The following LRRC3B variants were observed in gnomAD, a reference collection of about 807,000 sequenced individuals.
The protein encoded by LRRC3B is leucine rich repeat containing 3B, also known as leucine-rich repeat-containing protein 3B.
Under a neutral mutation model 12.8 loss-of-function variants are expected in LRRC3B, and 2 were observed. The observed-to-expected ratio is 0.16, with a 90% CI of 0.06 to 0.49. The LOEUF is 0.49. Among genes scored for constraint, LRRC3B ranks in the 20% least tolerant of loss-of-function variants. LRRC3B has a pLI of 0.96. For synonymous variants in LRRC3B, 132 were observed against 122.0 expected, an observed-to-expected ratio of 1.08 and a Z score of -0.54; for missense variants, 189 against 319.4, an observed-to-expected ratio of 0.59 and a Z score of 3.11.
chr3:26,659,959 T>C (rs913690008), intron 1 of LRRC3B, among the ~76,000 whole-genome samples: 3 of 152,210 alleles, frequency 2.0e-5, no homozygotes, highest in Non-Finnish European at 2.9e-5. Flanking sequence ...ATGTAGCCCA[T>C]AATTTTTCTT....
exon 2 of LRRC3B, chr3:26,709,516 C>T: frequency 2.8e-6 from 2 of 710,530 alleles, no homozygotes; most frequent in South Asian, 1.9e-5. Flanking sequence ...CCTTTAGGTG[C>T]CCAAGCAAGG....
At chr3:26,697,903 C>T (rs1411613040) in intron 1 of LRRC3B, among the ~76,000 whole-genome samples, 1 of 152,168 alleles carries the variant, frequency 6.6e-6, no homozygotes, top group East Asian at 1.9e-4. Context: ...GCTCTTCATA[C>T]TCTTCCCTCA....
intron 1 of LRRC3B, among the ~76,000 whole-genome samples, chr3:26,670,952 T>G (rs1048035751): frequency 2.6e-5 from 4 of 152,006 alleles, no homozygotes; most frequent in Non-Finnish European, 4.4e-5. Context: ...TGCTATGGCA[T>G]TTGCATAATA....
intron 1 of LRRC3B, among the ~76,000 whole-genome samples, chr3:26,625,936 C>T (rs1227074066): frequency 1.3e-5 from 2 of 152,178 alleles, no homozygotes; most frequent in Non-Finnish European, 2.9e-5. Flanking sequence ...TGACATTCAG[C>T]CAGGAAATGG....
At chr3:26,702,998 G>C (rs1700495529) in intron 1 of LRRC3B, among the ~76,000 whole-genome samples, 1 of 152,086 alleles carries the variant, frequency 6.6e-6, no homozygotes, top group Admixed American at 6.5e-5. Context: ...AATGGAAATG[G>C]AGAACTAAAG....
At chr3:26,654,356 T>G (rs2125417190) in intron 1 of LRRC3B, among the ~76,000 whole-genome samples, 1 of 152,254 alleles carries the variant, frequency 6.6e-6, no homozygotes, top group East Asian at 1.9e-4. Context: ...CTTAGAGAGC[T>G]CTGGAAAACA....
chr3:26,706,462 T>A (rs934260715), intron 1 of LRRC3B, among the ~76,000 whole-genome samples: 1 of 152,104 alleles, frequency 6.6e-6, no homozygotes, highest in African/African-American at 2.4e-5. Flanking sequence ...TTATCAAACA[T>A]AATAGAAAAT....
At chr3:26,631,154 T>C (rs1364472097) in intron 1 of LRRC3B, among the ~76,000 whole-genome samples, 1 of 152,112 alleles carries the variant, frequency 6.6e-6, no homozygotes, top group African/African-American at 2.4e-5. Context: ...TTGTGAGAAA[T>C]GAAAAATGTG....
In LRRC3B at chr3:26,643,331, C is replaced by A. The variant is rs192757382; in HGVS notation, c.-161+20094C>A. On this transcript the variant is annotated intron_variant, in intron 1 of 1. Transcript: ENST00000396641. ...TTGTATGAAAACACATATATAAAACCATATACACTAGACACATACATGTAT... is the reference window on the plus strand; with the variant it reads ...TTGTATGAAAACACATATATAAAACAATATACACTAGACACATACATGTAT... 1.2e-3 allele frequency among the ~76,000 whole-genome samples: 180 copies of A among 151,126 alleles called. 1 individual carries two copies. The highest frequency in any genetic ancestry group is 2.5e-3 in the South Asian group (12 of 4,760).
chr3:26,684,891 C>T (rs1008751697), intron 1 of LRRC3B, among the ~76,000 whole-genome samples: 1 of 152,184 alleles, frequency 6.6e-6, no homozygotes. Context: ...TCTGTTACTC[C>T]ATTCTCACAT....
intron 1 of LRRC3B, among the ~76,000 whole-genome samples, chr3:26,668,640 A>G (rs1046681171): frequency 4.6e-5 from 7 of 152,092 alleles, no homozygotes; most frequent in African/African-American, 1.4e-4. Context: ...CAGCATTGAG[A>G]CCTTTTGTTA....
chr3:26,644,652 G>T (rs1240752273), intron 1 of LRRC3B, among the ~76,000 whole-genome samples: 1 of 152,110 alleles, frequency 6.6e-6, no homozygotes, highest in Non-Finnish European at 1.5e-5. Flanking sequence ...TGGAACCCTG[G>T]ATTAAAAATA....
rs1559361621 is a variant in LRRC3B, at chr3:26,671,348, G to GTATATATATA, written c.-160-38164_-160-38163insATATATATAT. Among the ~76,000 whole-genome samples the GTATATATATA allele has an allele frequency of 9.0e-5, 6 of 66,364 alleles. 1 individual carries two copies. The highest frequency in any genetic ancestry group is 3.7e-4 in the African/African-American group (6 of 16,058). 43.5% of individuals were successfully genotyped at this position (66,364 alleles called of 152,430 possible). On this transcript the variant is annotated intron_variant, in intron 1 of 1. Transcript: ENST00000396641. The stretch of plus-strand genomic sequence containing the variant: ...CTTATAAATGTGTGTGTATATATGT[G>GTATATATATA]TGTATATATATATATATATATATAT...
At chr3:26,640,555 A>G (rs1294938649) in intron 1 of LRRC3B, among the ~76,000 whole-genome samples, 1 of 152,136 alleles carries the variant, frequency 6.6e-6, no homozygotes, top group African/African-American at 2.4e-5. Context: ...TTTTCCAGTA[A>G]CTGACATTTA....
intron 1 of LRRC3B, among the ~76,000 whole-genome samples, chr3:26,647,176 C>T (rs1181371265): frequency 6.6e-6 from 1 of 152,068 alleles, no homozygotes; most frequent in Middle Eastern, 3.2e-3. Flanking sequence ...TTTTTCAGTT[C>T]TCAGCTCAAA....
chr3:26,671,536 C>G (rs139878023), intron 1 of LRRC3B, among the ~76,000 whole-genome samples: 1 of 150,740 alleles, frequency 6.6e-6, no homozygotes, highest in Non-Finnish European at 1.5e-5. Context: ...GGACTACAGG[C>G]GCGCGCCACC....
At chr3:26,665,503 C>A (rs562665301) in intron 1 of LRRC3B, among the ~76,000 whole-genome samples, 1 of 152,038 alleles carries the variant, frequency 6.6e-6, no homozygotes, top group African/African-American at 2.4e-5. Flanking sequence ...TCTACCAAAA[C>A]AACTTCAAAA....
chr3:26,690,210 A>G (rs1305666426), intron 1 of LRRC3B, among the ~76,000 whole-genome samples: 1 of 152,228 alleles, frequency 6.6e-6, no homozygotes, highest in Non-Finnish European at 1.5e-5. Flanking sequence ...TTGTGACTTC[A>G]TGTTAATATG....
intron 1 of LRRC3B, among the ~76,000 whole-genome samples, chr3:26,702,879 A>T (rs1249857623): frequency 6.6e-6 from 1 of 152,146 alleles, no homozygotes; most frequent in Non-Finnish European, 1.5e-5. Flanking sequence ...AGGGTGGTCT[A>T]CAGTGGAGGC....
Sources: allele counts gnomAD v4.1 joint callset (sites outside exome capture counted in the v4.1 genomes callset), GRCh38; gene constraint gnomAD v4.1.1; transcripts MANE v1.5; gene names NCBI Gene and HGNC (gene_info 2026-07-23, HGNC 2026-07-21).